The following LUZP2 variants were observed in gnomAD, a reference collection of about 807,000 sequenced individuals.
The protein encoded by LUZP2 is leucine zipper protein 2.
Under a neutral mutation model 51.6 loss-of-function variants are expected in LUZP2, and 52 were observed. That is an observed-to-expected ratio of 1.01 (90% CI 0.81 to 1.27). LUZP2 has a LOEUF of 1.27. LUZP2 is among the 50% of genes most tolerant of loss of function. The pLI is 0.00. For synonymous variants in LUZP2, 154 were observed against 137.3 expected (o/e 1.12, Z -0.85); for missense variants, 436 against 395.4 (o/e 1.10, Z -0.87).
intron 7 of LUZP2, among the ~76,000 whole-genome samples, chr11:24,941,393 A>G (rs534839843): frequency 2.0e-5 from 3 of 152,282 alleles, no homozygotes; most frequent in African/African-American, 4.8e-5. Context: ...CAAACTTTAA[A>G]TACGCAAATA....
chr11:24,910,273 C>T (rs1418617006), intron 6 of LUZP2, among the ~76,000 whole-genome samples: 1 of 152,154 alleles, frequency 6.6e-6, no homozygotes, highest in African/African-American at 2.4e-5. Flanking sequence ...AAAACATTTT[C>T]TGGAGAGCAA....
At chr11:24,748,622 G>A (rs1446380695) in intron 4 of LUZP2, among the ~76,000 whole-genome samples, 2 of 152,044 alleles carry the variant, frequency 1.3e-5, no homozygotes, top group Non-Finnish European at 2.9e-5. Flanking sequence ...ACCACACCCA[G>A]CTAATTTTGT....
At chr11:24,503,842 G>A (rs1850073282) in intron 1 of LUZP2, among the ~76,000 whole-genome samples, 1 of 152,114 alleles carries the variant, frequency 6.6e-6, no homozygotes, top group South Asian at 2.1e-4. Flanking sequence ...GAAGAATCCA[G>A]AACTATTCTA....
At chr11:24,567,412 T>G (rs2133790974) in intron 1 of LUZP2, among the ~76,000 whole-genome samples, 1 of 152,152 alleles carries the variant, frequency 6.6e-6, no homozygotes, top group Admixed American at 6.6e-5. Flanking sequence ...AATGAACAGA[T>G]TTTTTAAATA....
intron 1 of LUZP2, among the ~76,000 whole-genome samples, chr11:24,566,637 C>A (rs1852233883): frequency 1.4e-5 from 2 of 146,852 alleles, no homozygotes. Flanking sequence ...CACACACACA[C>A]ACACACACAA....
At chr11:24,629,866 G>A (rs953603132) in intron 1 of LUZP2, among the ~76,000 whole-genome samples, 1 of 151,746 alleles carries the variant, frequency 6.6e-6, no homozygotes, top group African/African-American at 2.4e-5. Context: ...GTTATCTTTT[G>A]TCTTTTTAAT....
intron 4 of LUZP2, among the ~76,000 whole-genome samples, chr11:24,762,411 A>G (rs1378305578): frequency 1.3e-5 from 2 of 152,186 alleles, no homozygotes; most frequent in Non-Finnish European, 2.9e-5. Flanking sequence ...TGAATAATCC[A>G]TGTCCAAATA....
intron 10 of LUZP2, among the ~76,000 whole-genome samples, chr11:25,067,157 G>A (rs143332628): frequency 2.0e-5 from 3 of 151,856 alleles, no homozygotes; most frequent in African/African-American, 7.2e-5. Context: ...TAGGCACAGA[G>A]AGACTGAGTC....
chr11:24,570,084 T>C (rs1852384954), intron 1 of LUZP2, among the ~76,000 whole-genome samples: 2 of 152,042 alleles, frequency 1.3e-5, no homozygotes, highest in Admixed American at 1.3e-4. Flanking sequence ...CATAACCTTT[T>C]TTGTATCCAA....
intron 7 of LUZP2, among the ~76,000 whole-genome samples, chr11:24,926,549 A>G (rs1433312576): frequency 7.1e-6 from 1 of 141,782 alleles, no homozygotes; most frequent in Non-Finnish European, 1.6e-5. Flanking sequence ...ATATACGTGT[A>G]TATATATGTG....
intron 7 of LUZP2, among the ~76,000 whole-genome samples, chr11:24,919,852 C>T (rs940916257): frequency 6.6e-6 from 1 of 151,118 alleles, no homozygotes; most frequent in South Asian, 2.1e-4. Context: ...ACTCTCCCAT[C>T]AGTACAATAA....
At chr11:24,660,596 C>T (rs532580018) in intron 1 of LUZP2, among the ~76,000 whole-genome samples, 1 of 152,120 alleles carries the variant, frequency 6.6e-6, no homozygotes, top group South Asian at 2.1e-4. Flanking sequence ...AAGCGAAGAA[C>T]CCCTGATCAT....
intron 1 of LUZP2, among the ~76,000 whole-genome samples, chr11:24,691,962 T>C (rs990242512): frequency 6.6e-6 from 1 of 152,090 alleles, no homozygotes; most frequent in Non-Finnish European, 1.5e-5. Context: ...CTTACTGCAC[T>C]AATTATGCAA....
intron 9 of LUZP2, among the ~76,000 whole-genome samples, chr11:25,020,271 A>G (rs1857294472): frequency 6.6e-6 from 1 of 152,060 alleles, no homozygotes; most frequent in South Asian, 2.1e-4. Flanking sequence ...TACTAATATC[A>G]TTTGCTAGAC....
chr11:24,834,791 G>T (rs1850810293), intron 5 of LUZP2, among the ~76,000 whole-genome samples: 1 of 152,160 alleles, frequency 6.6e-6, no homozygotes, highest in African/African-American at 2.4e-5. Flanking sequence ...CATTCTGACT[G>T]GTGTGAGATG....
intron 5 of LUZP2, among the ~76,000 whole-genome samples, chr11:24,856,433 T>G (rs553382154): frequency 6.6e-6 from 1 of 152,040 alleles, no homozygotes; most frequent in African/African-American, 2.4e-5. Context: ...TCAATAAAAG[T>G]TATTGGCAGG....
At chr11:24,788,180 A>ATTTTTTTTTTTTTTTTTT (rs61308017) in intron 5 of LUZP2, among the ~76,000 whole-genome samples, 3 of 83,396 alleles carry the variant, frequency 3.6e-5, no homozygotes, top group Non-Finnish European at 4.5e-5. Context: ...TTTGTTTTTA[A>ATTTTTTTTTTTTTTTTTT]TTTTTTTTTT....
At chr11:24,899,410 CAAG>C (rs1853200231) in intron 5 of LUZP2, among the ~76,000 whole-genome samples, 2 of 150,356 alleles carry the variant, frequency 1.3e-5, no homozygotes, top group Admixed American at 1.3e-4. Context: ...TCTAGAAAAA[CAAG>C]AAGGTAAAAA....
chr11:24,664,212 A>G (rs1856133287), intron 1 of LUZP2, among the ~76,000 whole-genome samples: 1 of 152,084 alleles, frequency 6.6e-6, no homozygotes, highest in South Asian at 2.1e-4. Context: ...AAAGTTGGGA[A>G]CTTCCTAGAG....
Sources: allele counts gnomAD v4.1 joint callset (sites outside exome capture counted in the v4.1 genomes callset), GRCh38; gene constraint gnomAD v4.1.1; transcripts MANE v1.5; gene names NCBI Gene and HGNC (gene_info 2026-07-23, HGNC 2026-07-21).